Variants in CA5B observed in about 807,000 individuals in gnomAD.
The protein encoded by CA5B is carbonic anhydrase 5B.
In CA5B, 15 loss-of-function variants were observed where a neutral mutation model predicts 23.1. The ratio of observed to expected loss-of-function variants is 0.65; its 90% CI spans 0.43 to 1.00. CA5B has a LOEUF of 1.00. Ranked by LOEUF, CA5B falls within the 50% of genes least tolerant of loss-of-function variation. The pLI is 0.00. For missense variants in CA5B, 236 were observed against 252.2 expected, an observed-to-expected ratio of 0.94 and a Z score of 0.43; for synonymous variants, 84 against 98.5, an observed-to-expected ratio of 0.85 and a Z score of 0.87.
At chrX:15,745,281 G>A (rs1279363453) in intron 1 of CA5B, among the ~76,000 whole-genome samples, 5 of 111,597 alleles carry the variant, frequency 4.5e-5, no homozygotes, top group African/African-American at 1.6e-4. Context: ...TCCCACTTAC[G>A]TGGGGTATCT....
At chrX:15,776,560 C>T (rs764637999) in intron 6 of CA5B, among the ~76,000 whole-genome samples, 154 bp from the exon 7 acceptor site, 4 of 111,393 alleles carry the variant, frequency 3.6e-5, no homozygotes, top group African/African-American at 6.5e-5. Flanking sequence ...CCATCCTAAG[C>T]AGCGATTCTT....
intron 1 of CA5B, among the ~76,000 whole-genome samples, chrX:15,739,475 A>G (rs1457977046): frequency 9.3e-6 from 1 of 107,567 alleles, no homozygotes; most frequent in Admixed American, 1.0e-4. Flanking sequence ...TAACCTCAGC[A>G]TCAGGGTTGG....
chrX:15,773,554 C>T (rs1255756316), intron 4 of CA5B, among the ~76,000 whole-genome samples: 4 of 108,815 alleles, frequency 3.7e-5, no homozygotes, highest in African/African-American at 1.3e-4. Flanking sequence ...GGACTACAAG[C>T]GCCCACCACT....
intron 4 of CA5B, among the ~76,000 whole-genome samples, chrX:15,773,801 A>G (rs1487569608): frequency 1.8e-5 from 2 of 111,004 alleles, no homozygotes; most frequent in Non-Finnish European, 3.8e-5. Context: ...TGATTCTCCC[A>G]CCTTGACCTC....
chrX:15,772,798 T>A (rs1231731436), intron 4 of CA5B, among the ~76,000 whole-genome samples, 184 bp downstream of exon 4: 1 of 112,181 alleles, frequency 8.9e-6, no homozygotes. Flanking sequence ...TCAAATAATA[T>A]AGTTGAAATG....
chrX:15,786,168 C>T lies in CA5B; in HGVS notation c.*3504C>T, dbSNP rs1321572774. ...GGTGTGAGCCACTGTGCCTGGCCTT[C>T]CTAGCTGTCTTGTGAAACGATAAGT... On this transcript the variant is annotated 3_prime_UTR_variant, in exon 8 of 8. Transcript: ENST00000318636. 2 of 112,461 alleles carry T rather than the reference C, an allele frequency of 1.8e-5. No homozygotes were observed. Among genetic ancestry groups the T allele is most frequent in the Admixed American group, 1.9e-4 (2 of 10,598 alleles). 9.3% of individuals were successfully genotyped at this position (112,461 alleles called of 1,213,427 possible).
intron 2 of CA5B, among the ~76,000 whole-genome samples, chrX:15,754,887 A>T (rs1391702110): frequency 8.9e-6 from 1 of 112,203 alleles, no homozygotes; most frequent in East Asian, 2.8e-4. Context: ...GCAGCCACTA[A>T]CCCCATGTGG....
At chrX:15,756,622 G>C (rs1049013076) in intron 2 of CA5B, among the ~76,000 whole-genome samples, 27 of 112,689 alleles carry the variant, frequency 2.4e-4, no homozygotes, top group African/African-American at 8.0e-4. Flanking sequence ...GCCAAAGTGG[G>C]GCTAAAGGCC....
intron 1 of CA5B, among the ~76,000 whole-genome samples, chrX:15,745,365 A>G (rs1388696365): frequency 1.8e-5 from 2 of 110,950 alleles, no homozygotes; most frequent in African/African-American, 6.5e-5. Context: ...AGGAGGAGTT[A>G]TTGTTTAGTG....
rs746207669 is a variant in CA5B, at chrX:15,786,326, T to G, written c.*3662T>G. 9.0e-6 allele frequency: 1 copy of G among 111,675 alleles called. No homozygotes were observed. The highest frequency in any genetic ancestry group is 3.8e-4 in the South Asian group (1 of 2,664). 9.2% of individuals were successfully genotyped at this position (111,675 alleles called of 1,213,427 possible). ...ACACTCTTTTTCACTTTGAACCATGTCCTGGTTTGCATGGCCAGCTTCCCT... is the reference window on the plus strand; with the variant it reads ...ACACTCTTTTTCACTTTGAACCATGGCCTGGTTTGCATGGCCAGCTTCCCT... On this transcript the variant is annotated 3_prime_UTR_variant, in exon 8 of 8. Coordinates refer to ENST00000318636, the MANE Select transcript of CA5B (RefSeq NM_007220.4).
In CA5B at chrX:15,787,476, T is replaced by G. The variant is rs1932137613; in HGVS notation, c.*4812T>G. The G allele has an allele frequency of 8.9e-6, 1 of 112,275 alleles. No homozygotes were observed. The highest frequency in any genetic ancestry group is 3.2e-5 in the African/African-American group (1 of 30,878). The allele number at this position is 112,275 out of a possible 1,213,427, so 9.3% of individuals were successfully genotyped here. A position where few individuals can be genotyped will look rare whatever the true frequency, so the allele number is the denominator to read the frequency against. On this transcript the variant is annotated 3_prime_UTR_variant, in exon 8 of 8. Coordinates refer to ENST00000318636, the MANE Select transcript of CA5B (RefSeq NM_007220.4). Reference sequence around the variant, plus strand: ...CAAAAGAAGTCTTGGAAGATGTCTTTCCCTGTTAAATTCAGATGATGGTAA... The same window carrying G: ...CAAAAGAAGTCTTGGAAGATGTCTTGCCCTGTTAAATTCAGATGATGGTAA...
At position 15,782,824 on chromosome X, in the gene CA5B, G is replaced by A. The variant is rs1036107766; in HGVS notation, c.*160G>A. On this transcript the variant is annotated 3_prime_UTR_variant, in exon 8 of 8. Coordinates refer to ENST00000318636, the MANE Select transcript of CA5B (RefSeq NM_007220.4). ...CATCAGTCTTTGAGGAAGGCTATTCGGTACCAGCAAGAGACACAAGTTTCT... is the reference window on the plus strand; with the variant it reads ...CATCAGTCTTTGAGGAAGGCTATTCAGTACCAGCAAGAGACACAAGTTTCT... 3.5e-5 allele frequency: 14 copies of A among 394,525 alleles called. No individual in the cohort carries two copies. Among genetic ancestry groups the A allele is most frequent in the Non-Finnish European group, 5.6e-5 (13 of 233,026 alleles). The allele number at this position is 394,525 out of a possible 1,213,427, so 32.5% of individuals were successfully genotyped here. A position where few individuals can be genotyped will look rare whatever the true frequency, so the allele number is the denominator to read the frequency against.
intron 6 of CA5B, 100 bp downstream of exon 6, chrX:15,775,408 G>A (rs1464265764): frequency 3.7e-6 from 4 of 1,077,486 alleles, no homozygotes. Context: ...GTTTAATTAG[G>A]TGAACTGTAT....
intron 2 of CA5B, among the ~76,000 whole-genome samples, chrX:15,751,981 A>G (rs1421230211): frequency 9.0e-6 from 1 of 111,644 alleles, no homozygotes; most frequent in African/African-American, 3.3e-5. Context: ...TAACGTGTTA[A>G]TGAAAAAAGC....
At chrX:15,740,862 G>A (rs1277839948) in intron 1 of CA5B, among the ~76,000 whole-genome samples, 1 of 111,886 alleles carries the variant, frequency 8.9e-6, no homozygotes, top group Non-Finnish European at 1.9e-5. Context: ...CCAGGAGTTC[G>A]AGACCAGCCT....
chrX:15,778,777 G>A (rs1404878909), intron 7 of CA5B, among the ~76,000 whole-genome samples: 1 of 110,340 alleles, frequency 9.1e-6, no homozygotes, highest in African/African-American at 3.3e-5. Flanking sequence ...TGGGGGAAGT[G>A]CCACACACTT....
chrX:15,744,550 C>T (rs924167382), intron 1 of CA5B, among the ~76,000 whole-genome samples: 1 of 112,263 alleles, frequency 8.9e-6, no homozygotes. Flanking sequence ...CATTCTAACT[C>T]GATTGTGAGC....
At chrX:15,769,595 T>C (rs1424959280) in intron 3 of CA5B, 8 of 753,909 alleles carry the variant, frequency 1.1e-5, no homozygotes, top group Non-Finnish European at 1.3e-5. Flanking sequence ...GCAGTGCCAG[T>C]GAACCTAGTA....
At chrX:15,765,824 C>T (rs1931695921) in intron 3 of CA5B, among the ~76,000 whole-genome samples, 1 of 110,302 alleles carries the variant, frequency 9.1e-6, no homozygotes, top group Admixed American at 9.8e-5. Flanking sequence ...CTCAAGGAAA[C>T]TTGTTTTCTC....
Sources: allele counts gnomAD v4.1 joint callset (sites outside exome capture counted in the v4.1 genomes callset), GRCh38; gene constraint gnomAD v4.1.1; transcripts MANE v1.5; gene names NCBI Gene and HGNC (gene_info 2026-07-23, HGNC 2026-07-21).